Variants in CLASP2 observed in about 807,000 individuals in gnomAD.
CLASP2 encodes CLIP-associating protein 2.
CLASP2 carries 47 observed loss-of-function variants against 194.4 expected under a neutral mutation model. The observed-to-expected ratio is 0.24, with a 90% CI of 0.19 to 0.31. The LOEUF is 0.31. CLASP2 is among the 10% of genes least tolerant of loss of function. CLASP2 has a pLI of 1.00. For synonymous variants in CLASP2, 619 were observed against 633.5 expected (o/e 0.98, Z 0.34); for missense variants, 1,445 against 1,823.6 (o/e 0.79, Z 3.78).
At chr3:33,645,837 G>A (rs558938219) in intron 7 of CLASP2, among the ~76,000 whole-genome samples, 8 of 151,550 alleles carry the variant, frequency 5.3e-5, no homozygotes, top group African/African-American at 1.9e-4. Flanking sequence ...AAAACAATTT[G>A]TTTTCATAAA....
At chr3:33,644,155 G>A (rs2081875138) in intron 8 of CLASP2, among the ~76,000 whole-genome samples, 1 of 152,036 alleles carries the variant, frequency 6.6e-6, no homozygotes, top group Non-Finnish European at 1.5e-5. Flanking sequence ...CAATATGCTA[G>A]AAACAGTTCT....
intron 1 of CLASP2, among the ~76,000 whole-genome samples, chr3:33,710,772 T>C (rs2092964404): frequency 6.6e-6 from 1 of 151,900 alleles, no homozygotes; most frequent in Admixed American, 6.6e-5. Context: ...CCGTCTCTAC[T>C]AAAAATACAA....
In CLASP2 at chr3:33,706,798, GA is replaced by G. The variant is rs963707765; in HGVS notation, c.196-9866del. On this transcript the variant is annotated intron_variant, in intron 1 of 38. Coordinates refer to ENST00000682230, the MANE Select transcript of CLASP2 (RefSeq NM_001365631.1). ...GCAACATAGGGAGACCCTATCTCTA[GA>G]AAAAAAAATTTTAAAGTTAGTTGGG... Among the ~76,000 whole-genome samples the G allele has an allele frequency of 2.6e-5, 4 of 151,428 alleles. No homozygotes were observed. The East Asian group carries it at 5.8e-4, about 22-fold the overall frequency.
At chr3:33,627,273 C>T in intron 9 of CLASP2, 193 bp from the exon 10 acceptor site, 1 of 571,534 alleles carries the variant, frequency 1.7e-6, no homozygotes, top group South Asian at 2.0e-5. Flanking sequence ...TACTTGTTAC[C>T]ATTTTTGCTA....
intron 8 of CLASP2, among the ~76,000 whole-genome samples, chr3:33,642,432 T>C (rs750665832): frequency 6.6e-5 from 10 of 151,878 alleles, no homozygotes; most frequent in African/African-American, 9.7e-5. Context: ...AAGAAAATAT[T>C]TGTATATGTA....
intron 7 of CLASP2, among the ~76,000 whole-genome samples, chr3:33,658,620 T>G (rs2084723760): frequency 6.6e-6 from 1 of 152,208 alleles, no homozygotes; most frequent in Non-Finnish European, 1.5e-5. Flanking sequence ...CAAATCTTCC[T>G]GCTAAAATCT....
At chr3:33,576,089 C>A in intron 24 of CLASP2, 80 bp downstream of exon 24, 1 of 1,070,214 alleles carries the variant, frequency 9.3e-7, no homozygotes, top group Non-Finnish European at 1.4e-6. Flanking sequence ...AACCCCTTTC[C>A]CACATGGATA....
intron 28 of CLASP2, among the ~76,000 whole-genome samples, chr3:33,560,252 CT>C (rs1284259560): frequency 7.2e-6 from 1 of 139,490 alleles, no homozygotes; most frequent in Non-Finnish European, 1.6e-5. Context: ...TTTTTTTTTT[CT>C]TTTTTTTGAG....
chr3:33,653,780 T>C (rs1440261995), intron 7 of CLASP2, among the ~76,000 whole-genome samples: 1 of 152,040 alleles, frequency 6.6e-6, no homozygotes, highest in African/African-American at 2.4e-5. Context: ...TGAAACTGGA[T>C]GATAAGTAGT....
At chr3:33,639,934 C>T (rs1472984110) in intron 8 of CLASP2, among the ~76,000 whole-genome samples, 1 of 152,216 alleles carries the variant, frequency 6.6e-6, no homozygotes, top group East Asian at 1.9e-4. Context: ...CTCATCTCAT[C>T]TCATTAGATG....
At chr3:33,600,135 T>A (rs887098531) in intron 18 of CLASP2, among the ~76,000 whole-genome samples, 3 of 152,042 alleles carry the variant, frequency 2.0e-5, no homozygotes, top group Non-Finnish European at 1.5e-5. Context: ...AAACACAAGA[T>A]TGTGTTTTCT....
At chr3:33,626,066 A>G (rs1332461240) in intron 10 of CLASP2, among the ~76,000 whole-genome samples, 2 of 152,128 alleles carry the variant, frequency 1.3e-5, no homozygotes, top group African/African-American at 4.8e-5. Context: ...GACTCATCTC[A>G]GAATTGAAGA....
intron 7 of CLASP2, among the ~76,000 whole-genome samples, chr3:33,648,718 T>C (rs373634699): frequency 6.6e-6 from 1 of 152,292 alleles, no homozygotes; most frequent in African/African-American, 2.4e-5. Flanking sequence ...CTATGAAATA[T>C]CAAAACAAGC....
chr3:33,556,583 C>A (rs541854629), intron 29 of CLASP2, among the ~76,000 whole-genome samples: 297 of 151,926 alleles, frequency 2.0e-3, no homozygotes, highest in Non-Finnish European at 3.5e-3. Context: ...TTACAGATGC[C>A]TGCCACCACG....
chr3:33,669,066 T>C (rs1339717372), intron 6 of CLASP2, among the ~76,000 whole-genome samples: 2 of 152,170 alleles, frequency 1.3e-5, no homozygotes, highest in Admixed American at 6.5e-5. Flanking sequence ...TAACAAAAGA[T>C]ATAAATCAAG....
At chr3:33,626,218 C>T (rs868134399) in intron 10 of CLASP2, among the ~76,000 whole-genome samples, 6 of 152,028 alleles carry the variant, frequency 3.9e-5, no homozygotes, top group African/African-American at 1.4e-4. Context: ...TGTCAAAAGG[C>T]CCTGCATTTG....
In CLASP2 at chr3:33,604,186, G is replaced by T. The variant is rs2073118781; in HGVS notation, c.1718C>A (p.Ser573Tyr). The T allele has an allele frequency of 1.3e-6, 2 of 1,560,460 alleles. No homozygotes were observed. Among genetic ancestry groups the T allele is most frequent in the East Asian group, 2.4e-5 (1 of 42,232 alleles). ...SLNRPFSSKW[S>Y]TANPSTVAGR... Reference sequence around the variant, plus strand: ...AGCCACAGTTGATGGATTTGCTGTAGACCATTTGGAAGAAAAAGGGCGACT... The same window carrying T: ...AGCCACAGTTGATGGATTTGCTGTATACCATTTGGAAGAAAAAGGGCGACT... Residue 573 changes from serine to tyrosine, a missense_variant, in exon 17 of 39, where the codon TCT becomes TAT. This residue lies in a region of CLASP2 where 174 missense variants were observed against 179.0 expected (regional missense o/e 0.97). Coordinates refer to ENST00000682230, the MANE Select transcript of CLASP2 (RefSeq NM_001365631.1).
chr3:33,632,858 T>C (rs2079362948), intron 8 of CLASP2, among the ~76,000 whole-genome samples: 1 of 152,188 alleles, frequency 6.6e-6, no homozygotes, highest in Admixed American at 6.5e-5. Context: ...GTAAACTTAG[T>C]AGGCAGTAGT....
chr3:33,702,440 A>G (rs1381299036), intron 1 of CLASP2, among the ~76,000 whole-genome samples: 1 of 152,166 alleles, frequency 6.6e-6, no homozygotes, highest in African/African-American at 2.4e-5. Context: ...ACTACCTCAC[A>G]CCATACATAA....
Sources: gnomAD v4.1 joint callset for allele counts (sites outside exome capture counted in the v4.1 genomes callset) on GRCh38, gnomAD v4.1.1 for gene constraint, gnomAD v4.1.1 regional missense constraint, MANE v1.5 for transcripts, NCBI Gene and HGNC (gene_info 2026-07-23, HGNC 2026-07-21) for gene names.